Variants in CTNND2 observed in about 807,000 individuals in gnomAD.
CTNND2 encodes the protein catenin delta-2.
In CTNND2, 22 loss-of-function variants were observed where a neutral mutation model predicts 144.4. The observed-to-expected ratio is 0.15, with a 90% CI of 0.11 to 0.22. The LOEUF (loss-of-function observed/expected upper bound fraction) is 0.22. CTNND2 is among the 10% of genes least tolerant of loss of function. The pLI, the probability that CTNND2 is intolerant of heterozygous loss-of-function variation, is 1.00. For missense variants in CTNND2, 1,353 were observed against 1,618.8 expected, an observed-to-expected ratio of 0.84 and a Z score of 2.82; for synonymous variants, 751 against 695.6, an observed-to-expected ratio of 1.08 and a Z score of -1.25.
chr5:11,102,335 T>C (rs1223420192), intron 14 of CTNND2, among the ~76,000 whole-genome samples: 2 of 152,196 alleles, frequency 1.3e-5, no homozygotes, highest in African/African-American at 2.4e-5. Flanking sequence ...TTATGAATTG[T>C]CTTGTTCATA....
At chr5:11,699,984 T>C (rs976767729) in intron 2 of CTNND2, among the ~76,000 whole-genome samples, 11 of 152,218 alleles carry the variant, frequency 7.2e-5, no homozygotes, top group African/African-American at 2.2e-4. Context: ...TTAGGCTTAG[T>C]TGAAATCATC....
chr5:11,552,089 T>TA (rs1327098101), intron 3 of CTNND2, among the ~76,000 whole-genome samples: 2 of 152,098 alleles, frequency 1.3e-5, no homozygotes, highest in African/African-American at 4.8e-5. Flanking sequence ...TATTTGACAG[T>TA]AAAACCCCAG....
At chr5:11,465,154 T>A (rs1766544193) in intron 3 of CTNND2, among the ~76,000 whole-genome samples, 1 of 152,234 alleles carries the variant, frequency 6.6e-6, no homozygotes, top group Non-Finnish European at 1.5e-5. Context: ...ATATTTTACA[T>A]TTTTGCAGTA....
Position 11,732,174 on chromosome 5 carries a change from C to T in CTNND2, c.136G>A (p.Glu46Lys). The T allele has an allele frequency of 1.9e-6, 3 of 1,613,904 alleles. No individual in the cohort carries two copies. The highest frequency in any genetic ancestry group is 2.5e-6 in the Non-Finnish European group (3 of 1,179,852). Residue 46 changes from glutamate to lysine, a missense_variant, in exon 2 of 22, where the codon GAA becomes AAA. Glu to Lys is a moderately conservative substitution (Grantham distance 56, BLOSUM62 1). This residue lies in a region of CTNND2 where 708 missense variants were observed against 706.4 expected (regional missense o/e 1.00). Transcript: ENST00000304623. ...NTSNGDGSET[E>K]TTSAILASVK... ...GAGGCGAGGATGGCAGAGGTGGTTT[C>T]TGTTTCAGAGCCATCCCCGTTGGAG...
chr5:11,600,890 T>G (rs2126327550), intron 2 of CTNND2, among the ~76,000 whole-genome samples: 1 of 151,776 alleles, frequency 6.6e-6, no homozygotes, highest in East Asian at 1.9e-4. Context: ...CAGTAGACAT[T>G]GTGAAGTCAT....
intron 3 of CTNND2, among the ~76,000 whole-genome samples, chr5:11,436,544 G>A (rs1283864464): frequency 6.6e-6 from 1 of 151,990 alleles, no homozygotes; most frequent in Non-Finnish European, 1.5e-5. Context: ...TTTCTTTATC[G>A]AGAATTCCGC....
intron 9 of CTNND2, among the ~76,000 whole-genome samples, chr5:11,316,351 G>A (rs976189318): frequency 1.3e-5 from 2 of 151,968 alleles, no homozygotes; most frequent in East Asian, 1.9e-4. Context: ...TCAGCCTCCC[G>A]AGTAGCTGGG....
At chr5:11,413,358 T>C (rs376693681) in intron 3 of CTNND2, among the ~76,000 whole-genome samples, 1 of 152,210 alleles carries the variant, frequency 6.6e-6, no homozygotes, top group East Asian at 1.9e-4. Flanking sequence ...TGGAATTTAA[T>C]ATAAAGTAGT....
At chr5:11,417,453 C>G (rs1261517823) in intron 3 of CTNND2, among the ~76,000 whole-genome samples, 1 of 152,012 alleles carries the variant, frequency 6.6e-6, no homozygotes, top group African/African-American at 2.4e-5. Flanking sequence ...ACAATGAACT[C>G]CAATGAATTA....
chr5:11,263,335 C>A (rs190117451), intron 9 of CTNND2, among the ~76,000 whole-genome samples: 1 of 151,916 alleles, frequency 6.6e-6, no homozygotes, highest in East Asian at 1.9e-4. Flanking sequence ...ATAGAGCAAC[C>A]AAGGAAATGA....
intron 5 of CTNND2, among the ~76,000 whole-genome samples, chr5:11,407,840 T>TTTC (rs745653186): frequency 4.0e-5 from 6 of 150,082 alleles, no homozygotes; most frequent in Non-Finnish European, 7.5e-5. Context: ...ATTTGCTATG[T>TTTC]TTCTATACGG....
rs149736381 is a variant in CTNND2, at chr5:11,458,748, ATTTG to A, written c.288-46683_288-46680del. Among the ~76,000 whole-genome samples, 57 of 152,024 alleles carry A rather than the reference ATTTG, an allele frequency of 3.7e-4. 2 individuals are homozygous for A. In the East Asian group the frequency reaches 0.01, roughly 28 times the overall value. ...GTTATGGTGCCGGTCTAACTCAAAG[ATTTG>A]TTTTTTGTTTTATTTTTTGAGACAA... is the stretch of plus-strand genomic sequence containing the variant. On this transcript the variant is annotated intron_variant, in intron 3 of 21. Coordinates refer to ENST00000304623, the MANE Select transcript of CTNND2 (RefSeq NM_001332.4).
At chr5:11,673,667 A>C (rs985746663) in intron 2 of CTNND2, among the ~76,000 whole-genome samples, 2 of 152,214 alleles carry the variant, frequency 1.3e-5, no homozygotes, top group African/African-American at 2.4e-5. Context: ...CATAAATTTG[A>C]ATTGGCATTA....
At chr5:11,106,731 A>G (rs1752460011) in intron 14 of CTNND2, among the ~76,000 whole-genome samples, 1 of 151,996 alleles carries the variant, frequency 6.6e-6, no homozygotes, top group South Asian at 2.1e-4. Flanking sequence ...TTTTTTCTTT[A>G]TTAAGAGAAT....
chr5:11,726,144 T>C (rs1200106266), intron 2 of CTNND2, among the ~76,000 whole-genome samples: 1 of 152,164 alleles, frequency 6.6e-6, no homozygotes, highest in Non-Finnish European at 1.5e-5. Context: ...GCAGACCCAA[T>C]GATTAATGTA....
At chr5:11,850,357 C>A (rs544464910) in intron 1 of CTNND2, among the ~76,000 whole-genome samples, 16 of 152,144 alleles carry the variant, frequency 1.1e-4, no homozygotes, top group African/African-American at 3.9e-4. Context: ...AATATATTCC[C>A]TAGATATGAA....
intron 8 of CTNND2, among the ~76,000 whole-genome samples, chr5:11,361,321 T>C (rs1756428198): frequency 6.6e-6 from 1 of 152,154 alleles, no homozygotes; most frequent in African/African-American, 2.4e-5. Flanking sequence ...GCTCCAGGCC[T>C]ATTTATTTAT....
chr5:11,411,917 T>G (rs923971107), intron 4 of CTNND2, 118 bp downstream of exon 4: 3 of 854,058 alleles, frequency 3.5e-6, no homozygotes, highest in Non-Finnish European at 5.8e-6. Context: ...TTCATCTAAT[T>G]TTACTATCGG....
chr5:11,654,854 C>A (rs907595814), intron 2 of CTNND2, among the ~76,000 whole-genome samples: 1 of 152,026 alleles, frequency 6.6e-6, no homozygotes, highest in African/African-American at 2.4e-5. Context: ...AGCTTAGTTC[C>A]ATCCACTGTC....
Sources: gnomAD v4.1 joint callset for allele counts (sites outside exome capture counted in the v4.1 genomes callset) on GRCh38, gnomAD v4.1.1 for gene constraint, gnomAD v4.1.1 regional missense constraint, MANE v1.5 for transcripts, NCBI Gene and HGNC (gene_info 2026-07-23, HGNC 2026-07-21) for gene names.